Variants in UGGT1 observed in about 807,000 individuals in gnomAD.
The protein encoded by UGGT1 is UDP-glucose:glycoprotein glucosyltransferase 1.
UGGT1 carries 107 observed loss-of-function variants against 203.9 expected under a neutral mutation model. That is an observed-to-expected ratio of 0.52 (90% CI 0.45 to 0.62). The LOEUF is 0.62. Among genes scored for constraint, UGGT1 ranks in the 20% least tolerant of loss-of-function variants. The probability of loss-of-function intolerance (pLI) is 0.00; values close to 1 mark genes in which losing one functional copy is unlikely to be tolerated. For synonymous variants in UGGT1, 628 were observed against 653.5 expected, an observed-to-expected ratio of 0.96 and a Z score of 0.59; for missense variants, 1,673 against 1,867.2, an observed-to-expected ratio of 0.90 and a Z score of 1.92.
intron 38 of UGGT1, among the ~76,000 whole-genome samples, chr2:128,184,167 G>A (rs1162790213): frequency 1.3e-5 from 2 of 152,078 alleles, no homozygotes; most frequent in African/African-American, 2.4e-5. Context: ...CTCAGGATTC[G>A]TAGTATAGAA....
In UGGT1 at chr2:128,097,651, G is replaced by A. The variant is rs1045227905; in HGVS notation, c.194+87G>A. On this transcript the variant is annotated intron_variant, in intron 2 of 40. Coordinates refer to ENST00000259253, the MANE Select transcript of UGGT1 (RefSeq NM_020120.4). ...CATTCAGGAGCTTTTTAAGGAGTGA[G>A]ATTATCATCAAATGCATTTATGAAG... 4.6e-6 allele frequency: 7 copies of A among 1,505,908 alleles called. No homozygotes were observed. The African/African-American group carries it at 9.7e-5, about 21-fold the overall frequency. The allele number at this position is 1,505,908 out of a possible 1,614,324, so 93.3% of individuals were successfully genotyped here.
In UGGT1 at chr2:128,194,931, A is replaced by G. The variant is rs993475215; in HGVS notation, c.*5189A>G. Reference sequence around the variant, plus strand: ...GGGAGGCAGTAGAAGCAGGAAGTCAATGAATTGAGTAGAGGGTCCCATTCC... The same window carrying G: ...GGGAGGCAGTAGAAGCAGGAAGTCAGTGAATTGAGTAGAGGGTCCCATTCC... On this transcript the variant is annotated 3_prime_UTR_variant, in exon 41 of 41. Coordinates refer to ENST00000259253, the MANE Select transcript of UGGT1 (RefSeq NM_020120.4). 2.0e-5 allele frequency: 3 copies of G among 152,202 alleles called. No homozygotes were observed. Among genetic ancestry groups the G allele is most frequent in the Non-Finnish European group, 2.9e-5 (2 of 68,034 alleles). 9.4% of individuals were successfully genotyped at this position (152,202 alleles called of 1,614,324 possible).
rs780239753 is a variant in UGGT1 at position 128,173,944 on chromosome 2, A to G, written c.3453+5A>G. 6.2e-7 allele frequency: 1 copy of G among 1,613,906 alleles called. No individual in the cohort carries two copies. Among genetic ancestry groups the G allele is most frequent in the Non-Finnish European group, 8.5e-7 (1 of 1,179,862 alleles). ...ACCATTGTTATGGCCAATCTGGTAA[A>G]TAATCTGTTCATCAGATAGTGATAT... On this transcript the variant is annotated splice_donor_5th_base_variant and intron_variant, in intron 30 of 40. Coordinates refer to ENST00000259253, the MANE Select transcript of UGGT1 (RefSeq NM_020120.4).
In UGGT1 at chr2:128,091,220, A is replaced by G. The variant is rs1686837785; in HGVS notation, c.-138A>G. The G allele has an allele frequency of 2.1e-6, 2 of 951,816 alleles. No homozygotes were observed. The highest frequency in any genetic ancestry group is 3.0e-6 in the Non-Finnish European group (2 of 674,260). 59.0% of individuals were successfully genotyped at this position (951,816 alleles called of 1,614,324 possible). On this transcript the variant is annotated 5_prime_UTR_variant, in exon 1 of 41. Transcript: ENST00000259253. ...CCGGCAGCTGGGCAATTGCTTTGCG[A>G]GGCTGGGTGTTGAGTCGAGCCGCGG...
At chr2:128,093,534 TC>T (rs1686969562) in intron 1 of UGGT1, among the ~76,000 whole-genome samples, 1 of 152,172 alleles carries the variant, frequency 6.6e-6, no homozygotes, top group Non-Finnish European at 1.5e-5. Context: ...GCTTCAGGCC[TC>T]CTCCCTTGGT....
rs1692206140 is a variant in UGGT1 at position 128,190,475 on chromosome 2, A to G, written c.*733A>G. 6.6e-6 allele frequency: 1 copy of G among 152,188 alleles called. No homozygotes were observed. Among genetic ancestry groups the G allele is most frequent in the South Asian group, 2.1e-4 (1 of 4,824 alleles). The allele number at this position is 152,188 out of a possible 1,614,324, so 9.4% of individuals were successfully genotyped here. A position where few individuals can be genotyped will look rare whatever the true frequency, so the allele number is the denominator to read the frequency against. ...TCTTTTATAATCCATTAGTAGCACC[A>G]TGGCTCATTTGAAATGAAAATATTA... On this transcript the variant is annotated 3_prime_UTR_variant, in exon 41 of 41. Coordinates refer to ENST00000259253, the MANE Select transcript of UGGT1 (RefSeq NM_020120.4).
At chr2:128,160,422 T>A in intron 23 of UGGT1, 38 bp from the exon 24 acceptor site, 1 of 1,567,730 alleles carries the variant, frequency 6.4e-7, no homozygotes, top group Non-Finnish European at 8.6e-7. Flanking sequence ...GTTTGCTTAG[T>A]AACGACTATT....
chr2:128,100,254 G>C (rs1326703685), intron 2 of UGGT1, among the ~76,000 whole-genome samples: 1 of 152,052 alleles, frequency 6.6e-6, no homozygotes, highest in Non-Finnish European at 1.5e-5. Flanking sequence ...CCGCCAGGCT[G>C]GTCTGAACTC....
chr2:128,186,414 C>G (rs140365943), intron 38 of UGGT1, among the ~76,000 whole-genome samples: 2 of 152,230 alleles, frequency 1.3e-5, no homozygotes, highest in South Asian at 2.1e-4. Flanking sequence ...TGAGACCAAC[C>G]TGGGGCAACA....
chr2:128,105,134 CG>C (rs1260962006), intron 3 of UGGT1, among the ~76,000 whole-genome samples: 1 of 149,348 alleles, frequency 6.7e-6, no homozygotes, highest in Non-Finnish European at 1.5e-5. Flanking sequence ...CCTCCCACCT[CG>C]GCCTCCTAAA....
intron 31 of UGGT1, among the ~76,000 whole-genome samples, chr2:128,176,104 CT>C (rs1691357101): frequency 6.6e-6 from 1 of 152,130 alleles, no homozygotes; most frequent in Non-Finnish European, 1.5e-5. Context: ...CTTTACAACA[CT>C]ATTCCAGTTA....
At chr2:128,095,461 T>TTCCTCTTCCTCCTCC (rs561287044) in intron 1 of UGGT1, among the ~76,000 whole-genome samples, 51 of 148,346 alleles carry the variant, frequency 3.4e-4, no homozygotes, top group African/African-American at 1.1e-3. Context: ...TCTTCTTTCT[T>TTCCTCTTCCTCCTCC]TCCTCTTCCT....
At chr2:128,177,777 C>T in intron 32 of UGGT1, 55 bp from the exon 33 acceptor site, 1 of 1,422,992 alleles carries the variant, frequency 7.0e-7, no homozygotes, top group Non-Finnish European at 9.6e-7. Context: ...CAGTGAGAGG[C>T]AGTTTTATGC....
chr2:128,153,214 G>A (rs1423610185), intron 19 of UGGT1, among the ~76,000 whole-genome samples: 2 of 152,066 alleles, frequency 1.3e-5, no homozygotes, highest in Non-Finnish European at 2.9e-5. Context: ...TGGATTGTTC[G>A]CTTCTCTAGT....
chr2:128,117,650 T>C (rs1383900860), intron 8 of UGGT1, among the ~76,000 whole-genome samples: 1 of 151,632 alleles, frequency 6.6e-6, no homozygotes, highest in African/African-American at 2.4e-5. Context: ...TTCACGCTAT[T>C]CTCCTGCCTT....
chr2:128,099,024 T>G (rs1191460867), intron 2 of UGGT1, among the ~76,000 whole-genome samples: 1 of 152,140 alleles, frequency 6.6e-6, no homozygotes, highest in Non-Finnish European at 1.5e-5. Flanking sequence ...TAAATGTGGG[T>G]AGATTGAGCA....
chr2:128,111,510 A>T (rs1182027724), intron 5 of UGGT1, among the ~76,000 whole-genome samples: 2 of 151,858 alleles, frequency 1.3e-5, no homozygotes, highest in African/African-American at 2.4e-5. Flanking sequence ...TTTATTTATT[A>T]TTTATTTATT....
At chr2:128,177,079 C>T (rs760562791) in intron 32 of UGGT1, among the ~76,000 whole-genome samples, 181 bp downstream of exon 32, 3 of 151,490 alleles carry the variant, frequency 2.0e-5, no homozygotes, top group African/African-American at 4.9e-5. Context: ...AAGATTGTAC[C>T]TTTTGGGTAA....
chr2:128,151,142 C>T (rs1405185890), intron 18 of UGGT1: 22 of 423,104 alleles, frequency 5.2e-5, no homozygotes, highest in African/African-American at 2.5e-4. Flanking sequence ...TGAGCCATTG[C>T]ACCCGGCCCA....
Sources: gnomAD v4.1 joint callset for allele counts (sites outside exome capture counted in the v4.1 genomes callset) on GRCh38, gnomAD v4.1.1 for gene constraint, MANE v1.5 for transcripts, NCBI Gene and HGNC (gene_info 2026-07-23, HGNC 2026-07-21) for gene names.